GRIK3: variants seen among roughly 807,000 people sequenced by gnomAD.
GRIK3 encodes glutamate receptor ionotropic, kainate 3.
GRIK3 carries 29 observed loss-of-function variants against 102.5 expected under a neutral mutation model. The observed-to-expected ratio is 0.28, with a 90% CI of 0.21 to 0.39. GRIK3 has a LOEUF of 0.39. Ranked by LOEUF, GRIK3 falls within the 10% of genes least tolerant of loss-of-function variation. GRIK3 has a pLI of 1.00. For missense variants in GRIK3, 908 were observed against 1,252.4 expected (o/e 0.73, Z 4.15); for synonymous variants, 511 against 504.9 (o/e 1.01, Z -0.16).
At chr1:36,804,652 G>T (rs757156527) in intron 15 of GRIK3, 1 of 455,360 alleles carries the variant, frequency 2.2e-6, no homozygotes, top group Non-Finnish European at 3.8e-6. Context: ...GCAGGAAAAT[G>T]ATATGGTTTG....
intron 10 of GRIK3, among the ~76,000 whole-genome samples, chr1:36,828,631 T>C (rs1479748826): frequency 6.6e-6 from 1 of 152,212 alleles, no homozygotes; most frequent in Non-Finnish European, 1.5e-5. Flanking sequence ...TCAGAATGTA[T>C]TCCTGTTGTT....
At position 36,850,404 on chromosome 1, in the gene GRIK3, G is replaced by A. The variant is rs780733115; in HGVS notation, c.1233C>T (p.Ala411=). ...CAACCTCAGTGATGTTGAGCCCGTC[G>A]GCAGGACTCCACACCCCAACCTGGA... ...GLEKVGVWSP[A]DGLNITEVAK... is the part of the protein sequence containing the mutation. The change falls in exon 9 of 16, where the codon GCC becomes GCT. Residue 411 remains alanine, a synonymous_variant. Coordinates refer to ENST00000373091, the MANE Select transcript of GRIK3 (RefSeq NM_000831.4). This position sits in a 1 kb window ranked among gnomAD's most constrained non-coding sequence, Gnocchi z 4.0. 6.2e-6 allele frequency: 10 copies of A among 1,612,254 alleles called. No homozygotes were observed. The highest frequency in any genetic ancestry group is 5.5e-5 in the South Asian group (5 of 91,044).
chr1:37,000,579 C>T (rs1413030498), intron 1 of GRIK3, among the ~76,000 whole-genome samples: 1 of 152,156 alleles, frequency 6.6e-6, no homozygotes, highest in Non-Finnish European at 1.5e-5. Context: ...TTTATGTGGA[C>T]AATTATATCA....
At chr1:36,947,515 T>C (rs1174099106) in intron 1 of GRIK3, among the ~76,000 whole-genome samples, 1 of 152,164 alleles carries the variant, frequency 6.6e-6, no homozygotes, top group African/African-American at 2.4e-5. Context: ...CTCTTGGCAA[T>C]TGGCCCCCAC....
intron 1 of GRIK3, among the ~76,000 whole-genome samples, chr1:36,932,621 C>A (rs896976590): frequency 6.6e-6 from 1 of 152,234 alleles, no homozygotes; most frequent in African/African-American, 2.4e-5. Flanking sequence ...GGCACATCTT[C>A]TATTAAGAAG....
intron 1 of GRIK3, among the ~76,000 whole-genome samples, chr1:36,994,415 T>C: frequency 6.6e-6 from 1 of 152,250 alleles, no homozygotes; most frequent in East Asian, 1.9e-4. Context: ...TTTCAAGTTA[T>C]TTAAGCTGAG....
At chr1:36,908,778 G>GGTGTGTGTGTGTGTGT (rs56228690) in intron 1 of GRIK3, among the ~76,000 whole-genome samples, 1 of 147,004 alleles carries the variant, frequency 6.8e-6, no homozygotes, top group South Asian at 2.2e-4. Flanking sequence ...AATGGGATAG[G>GGTGTGTGTGTGTGTGT]GTGTGTGTGT....
rs139695653 is a variant in GRIK3, at chr1:36,811,466, C to T, written c.2092-5140G>A. 2.5e-3 allele frequency among the ~76,000 whole-genome samples: 377 copies of T among 152,274 alleles called. 4 individuals are homozygous for T. Among genetic ancestry groups the T allele is most frequent in the African/African-American group, 8.2e-3 (339 of 41,548 alleles). On this transcript the variant is annotated intron_variant, in intron 13 of 15. Coordinates refer to ENST00000373091, the MANE Select transcript of GRIK3 (RefSeq NM_000831.4). ...AGCGATGTGTGGCCCCTCCAAATCA[C>T]GTCTATGGGCTGCACAGGCCTGTGT...
chr1:36,892,222 T>C (rs1641125825), intron 1 of GRIK3, among the ~76,000 whole-genome samples: 1 of 152,188 alleles, frequency 6.6e-6, no homozygotes, highest in Admixed American at 6.5e-5. Flanking sequence ...TTTCACCATG[T>C]TGGCCAGGCT....
At chr1:36,965,007 T>C (rs371177629) in intron 1 of GRIK3, among the ~76,000 whole-genome samples, 2 of 152,220 alleles carry the variant, frequency 1.3e-5, no homozygotes, top group East Asian at 1.9e-4. Context: ...GTTTATCACA[T>C]AGCAGTGCTG....
chr1:36,914,953 G>A (rs1641382750), intron 1 of GRIK3, among the ~76,000 whole-genome samples: 1 of 152,228 alleles, frequency 6.6e-6, no homozygotes, highest in Admixed American at 6.5e-5. Flanking sequence ...TCTCCCTGAG[G>A]TAGTTGTTTC....
At chr1:36,810,413 C>T (rs1642549218) in intron 13 of GRIK3, among the ~76,000 whole-genome samples, 1 of 152,196 alleles carries the variant, frequency 6.6e-6, no homozygotes, top group Non-Finnish European at 1.5e-5. Flanking sequence ...CGGCGGTGTG[C>T]CAGGACAGAG....
rs139139940 is a variant in GRIK3 at position 36,964,895 on chromosome 1, A to G, written c.115+69099T>C. Among the ~76,000 whole-genome samples the G allele has an allele frequency of 2.4e-4, 37 of 152,268 alleles. 1 individual carries two copies. The East Asian group carries it at 5.2e-3, about 21-fold the overall frequency. Reference sequence around the variant, plus strand: ...CCCCCATAGTTGCCAGCTGCCACCAATCACAGCCCAAGCCCATTAGCTGAG... The same window carrying G: ...CCCCCATAGTTGCCAGCTGCCACCAGTCACAGCCCAAGCCCATTAGCTGAG... On this transcript the variant is annotated intron_variant, in intron 1 of 15. Coordinates refer to ENST00000373091, the MANE Select transcript of GRIK3 (RefSeq NM_000831.4).
chr1:36,884,521 A>G (rs1641017911), intron 2 of GRIK3, among the ~76,000 whole-genome samples: 1 of 152,114 alleles, frequency 6.6e-6, no homozygotes, highest in Non-Finnish European at 1.5e-5. Context: ...TCACTCTGCA[A>G]CCATGGGAGC....
chr1:36,966,401 T>TG (rs1361600860), intron 1 of GRIK3, among the ~76,000 whole-genome samples: 2 of 152,212 alleles, frequency 1.3e-5, no homozygotes, highest in Non-Finnish European at 2.9e-5. Flanking sequence ...CAGTCAAGCT[T>TG]GGACTGGGTG....
rs576957842 is a variant in GRIK3 at position 36,803,533 on chromosome 1, T to C, written c.2565+1454A>G. On this transcript the variant is annotated intron_variant, in intron 15 of 15. Coordinates refer to ENST00000373091, the MANE Select transcript of GRIK3 (RefSeq NM_000831.4). Reference sequence around the variant, plus strand: ...GCAACCTCCACCTCCTGGGTTCAAGTGATTCTCCTGCTTCAGCCTCCTGAG... The same window carrying C: ...GCAACCTCCACCTCCTGGGTTCAAGCGATTCTCCTGCTTCAGCCTCCTGAG... 4.7e-4 allele frequency among the ~76,000 whole-genome samples: 72 copies of C among 152,246 alleles called. No homozygotes were observed. In the East Asian group the frequency reaches 7.9e-3, roughly 17 times the overall value.
chr1:36,900,898 A>G (rs768015920), intron 1 of GRIK3, among the ~76,000 whole-genome samples: 5 of 152,194 alleles, frequency 3.3e-5, no homozygotes, highest in Non-Finnish European at 5.9e-5. Context: ...TGGACATTAA[A>G]AAGATTATCG....
At chr1:36,960,735 C>A (rs1482951278) in intron 1 of GRIK3, among the ~76,000 whole-genome samples, 1 of 152,220 alleles carries the variant, frequency 6.6e-6, no homozygotes, top group Non-Finnish European at 1.5e-5. Flanking sequence ...CTCCATTCAC[C>A]CCCTAGACAC....
chr1:36,930,191 G>C (rs995237752), intron 1 of GRIK3, among the ~76,000 whole-genome samples: 6 of 152,202 alleles, frequency 3.9e-5, no homozygotes, highest in African/African-American at 7.2e-5. Context: ...CGAATACCAG[G>C]GGGAAGGATC....
Sources: allele counts gnomAD v4.1 joint callset (sites outside exome capture counted in the v4.1 genomes callset), GRCh38; gene constraint gnomAD v4.1.1; non-coding constraint Gnocchi (gnomAD v3.1); transcripts MANE v1.5; gene names NCBI Gene and HGNC (gene_info 2026-07-23, HGNC 2026-07-21).